PKIA: variants seen among roughly 807,000 people sequenced by gnomAD.
PKIA encodes cAMP-dependent protein kinase inhibitor alpha, also known as PKI-alpha.
A neutral mutation model predicts 7.6 loss-of-function variants in PKIA; 4 were observed. The observed-to-expected ratio is 0.52, with a 90% CI of 0.26 to 1.20. PKIA has a LOEUF of 1.20. Ranked by LOEUF, PKIA falls within the 50% of genes most tolerant of loss-of-function variation. The pLI, the probability that PKIA is intolerant of heterozygous loss-of-function variation, is 0.13. For synonymous variants in PKIA, 21 were observed against 30.7 expected, an observed-to-expected ratio of 0.68 and a Z score of 1.04; for missense variants, 73 against 86.2, an observed-to-expected ratio of 0.85 and a Z score of 0.61.
At chr8:78,590,904 A>G (rs1185013177) in intron 2 of PKIA, among the ~76,000 whole-genome samples, 1 of 152,222 alleles carries the variant, frequency 6.6e-6, no homozygotes, top group Non-Finnish European at 1.5e-5. Flanking sequence ...CCAAACACTA[A>G]ACACACAGTA....
At chr8:78,530,141 T>G (rs527985444) in intron 1 of PKIA, among the ~76,000 whole-genome samples, 1 of 152,194 alleles carries the variant, frequency 6.6e-6, no homozygotes, top group Non-Finnish European at 1.5e-5. Flanking sequence ...TTTCAAAGCA[T>G]TTTTATAGTC....
chr8:78,548,428 T>C (rs1458524142), intron 1 of PKIA, among the ~76,000 whole-genome samples: 1 of 152,156 alleles, frequency 6.6e-6, no homozygotes, highest in East Asian at 1.9e-4. Context: ...CTGCAGCTCA[T>C]TGGAATCTAG....
chr8:78,540,180 T>C (rs571584242), intron 1 of PKIA, among the ~76,000 whole-genome samples: 5 of 151,732 alleles, frequency 3.3e-5, no homozygotes, highest in Non-Finnish European at 7.4e-5. Context: ...CTACGAGTTC[T>C]AATGCTAGGA....
At chr8:78,537,875 G>T (rs1806572951) in intron 1 of PKIA, among the ~76,000 whole-genome samples, 1 of 152,004 alleles carries the variant, frequency 6.6e-6, no homozygotes, top group Non-Finnish European at 1.5e-5. Context: ...AACCACCATT[G>T]CTCTTCATGT....
intron 1 of PKIA, among the ~76,000 whole-genome samples, chr8:78,559,971 T>C (rs1343410506): frequency 1.3e-5 from 2 of 152,250 alleles, no homozygotes; most frequent in African/African-American, 4.8e-5. Flanking sequence ...AGTAATGTTA[T>C]AATTAATTCC....
chr8:78,550,111 T>C (rs146809429), intron 1 of PKIA, among the ~76,000 whole-genome samples: 253 of 152,162 alleles, frequency 1.7e-3, no homozygotes, highest in African/African-American at 5.8e-3. Flanking sequence ...ACTATTTCAA[T>C]AGGGGAGAAA....
chr8:78,547,013 T>A (rs939723559), intron 1 of PKIA, among the ~76,000 whole-genome samples: 8 of 152,224 alleles, frequency 5.3e-5, no homozygotes, highest in African/African-American at 1.9e-4. Context: ...TTGAGGATCT[T>A]ACTGTCTAGT....
chr8:78,518,181 C>T (rs1809350936), intron 1 of PKIA, among the ~76,000 whole-genome samples: 1 of 152,198 alleles, frequency 6.6e-6, no homozygotes, highest in South Asian at 2.1e-4. Flanking sequence ...GTATATGAGG[C>T]ATAGGGTGAG....
At chr8:78,550,446 G>C (rs188023284) in intron 1 of PKIA, among the ~76,000 whole-genome samples, 26 of 152,124 alleles carry the variant, frequency 1.7e-4, no homozygotes, top group Admixed American at 3.9e-4. Flanking sequence ...AAGTGATCTT[G>C]AAAAAGGGTG....
intron 2 of PKIA, among the ~76,000 whole-genome samples, chr8:78,591,570 A>G (rs769730876): frequency 3.1e-4 from 47 of 152,280 alleles, no homozygotes; most frequent in Non-Finnish European, 4.7e-4. Context: ...TTTTGATTGA[A>G]TTTTTAGATG....
At chr8:78,580,719 A>T (rs1297038215) in intron 2 of PKIA, among the ~76,000 whole-genome samples, 1 of 152,066 alleles carries the variant, frequency 6.6e-6, no homozygotes, top group East Asian at 1.9e-4. Flanking sequence ...GTTAAAATAC[A>T]GGGAGATTGA....
At chr8:78,580,976 A>G (rs894462471) in intron 2 of PKIA, among the ~76,000 whole-genome samples, 2 of 151,756 alleles carry the variant, frequency 1.3e-5, no homozygotes, top group Admixed American at 6.6e-5. Context: ...ATGTATGTCT[A>G]CATACACATA....
intron 2 of PKIA, among the ~76,000 whole-genome samples, chr8:78,591,878 T>C (rs1403557106): frequency 1.3e-5 from 2 of 152,174 alleles, no homozygotes; most frequent in Non-Finnish European, 2.9e-5. Context: ...ATTATTTTTA[T>C]AAAGTCAGAA....
At chr8:78,573,229 C>T (rs1807595789) in intron 2 of PKIA, among the ~76,000 whole-genome samples, 1 of 151,956 alleles carries the variant, frequency 6.6e-6, no homozygotes, top group African/African-American at 2.4e-5. Context: ...GCAGATTAAC[C>T]CTTTCAGTAT....
chr8:78,594,490 A>G (rs942336103), intron 2 of PKIA, among the ~76,000 whole-genome samples: 1 of 152,178 alleles, frequency 6.6e-6, no homozygotes, highest in Non-Finnish European at 1.5e-5. Context: ...GCAAAATGGT[A>G]ACACTTACTG....
chr8:78,531,219 A>G (rs888239246), intron 1 of PKIA, among the ~76,000 whole-genome samples: 24 of 152,096 alleles, frequency 1.6e-4, no homozygotes, highest in African/African-American at 5.6e-4. Context: ...CAAAAAGTTT[A>G]TGTTCTACCC....
At chr8:78,540,815 C>T (rs1806667994) in intron 1 of PKIA, among the ~76,000 whole-genome samples, 2 of 151,768 alleles carry the variant, frequency 1.3e-5, no homozygotes, top group Admixed American at 6.6e-5. Context: ...ATAATTATTA[C>T]ATTTTATAAT....
chr8:78,516,368 G>T lies in PKIA; in HGVS notation c.-257G>T, dbSNP rs942545789. 1.3e-5 allele frequency: 2 copies of T among 152,538 alleles called. No individual in the cohort carries two copies. The highest frequency in any genetic ancestry group is 2.1e-4 in the South Asian group (1 of 4,858). 9.4% of individuals were successfully genotyped at this position (152,538 alleles called of 1,614,324 possible). A position where few individuals can be genotyped will look rare whatever the true frequency, so the allele number is the denominator to read the frequency against. On this transcript the variant is annotated 5_prime_UTR_variant, in exon 1 of 4. Transcript: ENST00000396418. Reference sequence around the variant, plus strand: ...AGCGGAGGCTGCTGCTGGCAGGTGGGGCGCGGGCCGGCGCGAGCTGACCGA... The same window carrying T: ...AGCGGAGGCTGCTGCTGGCAGGTGGTGCGCGGGCCGGCGCGAGCTGACCGA...
At position 78,601,212 on chromosome 8, in the gene PKIA, C is replaced by A. The variant is rs137867772; in HGVS notation, c.152-530C>A. ...ATTTGACAAGGGACTGGCCAGCTGA[C>A]ATAGTGTCCTTTCATTTTCAACTAT... On this transcript the variant is annotated intron_variant, in intron 3 of 3. Coordinates refer to ENST00000396418, the MANE Select transcript of PKIA (RefSeq NM_006823.4). Among the ~76,000 whole-genome samples the A allele has an allele frequency of 1.8e-3, 281 of 152,188 alleles. 2 individuals are homozygous for A. Among genetic ancestry groups the A allele is most frequent in the African/African-American group, 6.5e-3 (272 of 41,572 alleles).
Sources: allele counts gnomAD v4.1 joint callset (sites outside exome capture counted in the v4.1 genomes callset), GRCh38; gene constraint gnomAD v4.1.1; transcripts MANE v1.5; gene names NCBI Gene and HGNC (gene_info 2026-07-23, HGNC 2026-07-21).